PCDH15: variants seen among roughly 807,000 people sequenced by gnomAD.
PCDH15 encodes protocadherin-15.
A neutral mutation model predicts 178.5 loss-of-function variants in PCDH15; 129 were observed. The observed-to-expected ratio is 0.72, with a 90% confidence interval of 0.63 to 0.84. The LOEUF is 0.84. Ranked by LOEUF, PCDH15 falls within the 40% of genes least tolerant of loss-of-function variation. PCDH15 has a pLI of 0.00. For missense variants in PCDH15, 2,230 were observed against 2,099.9 expected (o/e 1.06, Z -1.21); for synonymous variants, 800 against 732.0 (o/e 1.09, Z -1.50).
chr10:53,969,390 C>G (rs2089421082), intron 21 of PCDH15, among the ~76,000 whole-genome samples: 1 of 152,180 alleles, frequency 6.6e-6, no homozygotes, highest in Non-Finnish European at 1.5e-5. Flanking sequence ...GATTAGTGTA[C>G]CTGAAAGTGA....
chr10:54,673,076 T>A (rs1291978680), intron 1 of PCDH15, among the ~76,000 whole-genome samples: 2 of 150,778 alleles, frequency 1.3e-5, no homozygotes, highest in African/African-American at 2.4e-5. Context: ...GCATGTCATT[T>A]AAAAAAAAAA....
At position 54,705,213 on chromosome 10, in the gene PCDH15, T is replaced by C. The variant is rs556564340; in HGVS notation, c.-28-40923A>G. ...TTGAAAAACTACTTATCAGCTACTA[T>C]AATTATTACCTTGGGTATGAAATAA... On this transcript the variant is annotated intron_variant, in intron 1 of 37. Coordinates refer to ENST00000644397, the MANE Select transcript of PCDH15 (RefSeq NM_001384140.1). Among the ~76,000 whole-genome samples, 8 of 152,190 alleles carry C rather than the reference T, an allele frequency of 5.3e-5. No individual in the cohort carries two copies. In the East Asian group the frequency reaches 1.2e-3, roughly 22 times the overall value.
chr10:55,416,472 A>G (rs1228789675), intron 2 of PCDH15, among the ~76,000 whole-genome samples: 1 of 151,838 alleles, frequency 6.6e-6, no homozygotes, highest in Non-Finnish European at 1.5e-5. Flanking sequence ...GGATCCTCCT[A>G]AAATAAAATT....
At chr10:54,548,586 G>A (rs1247956692) in intron 2 of PCDH15, among the ~76,000 whole-genome samples, 2 of 142,220 alleles carry the variant, frequency 1.4e-5, no homozygotes, top group East Asian at 4.0e-4. Flanking sequence ...ATATATTATT[G>A]TATATATTTA....
intron 3 of PCDH15, among the ~76,000 whole-genome samples, chr10:54,503,914 C>A (rs528310356): frequency 2.0e-5 from 3 of 152,104 alleles, no homozygotes; most frequent in Non-Finnish European, 4.4e-5. Flanking sequence ...AACTTGTTCC[C>A]CTGATGCCTG....
chr10:54,988,306 T>C (rs994821646), intron 2 of PCDH15, among the ~76,000 whole-genome samples: 9 of 152,176 alleles, frequency 5.9e-5, no homozygotes, highest in Non-Finnish European at 1.2e-4. Context: ...TCAGGTAGCA[T>C]GATGCCTCCA....
At chr10:54,221,589 T>C (rs1473873683) in intron 9 of PCDH15, among the ~76,000 whole-genome samples, 1 of 150,922 alleles carries the variant, frequency 6.6e-6, no homozygotes, top group Non-Finnish European at 1.5e-5. Flanking sequence ...ATCATTTATA[T>C]AGTATGTATT....
chr10:54,937,111 A>G (rs1266932556), intron 2 of PCDH15, among the ~76,000 whole-genome samples: 2 of 152,000 alleles, frequency 1.3e-5, no homozygotes, highest in East Asian at 1.9e-4. Flanking sequence ...ACCCCATTGA[A>G]ATCTCGCAAT....
intron 20 of PCDH15, among the ~76,000 whole-genome samples, chr10:54,016,044 A>G (rs1345989906): frequency 6.6e-6 from 1 of 152,192 alleles, no homozygotes; most frequent in Non-Finnish European, 1.5e-5. Flanking sequence ...AATATCCAGA[A>G]TCTATAAGGA....
chr10:55,176,854 C>G (rs1045025348), intron 1 of PCDH15, among the ~76,000 whole-genome samples: 1 of 152,096 alleles, frequency 6.6e-6, no homozygotes, highest in East Asian at 1.9e-4. Context: ...ACCAGACTAC[C>G]CAGCTAACTT....
At chr10:55,074,712 T>C (rs1841837747) in intron 2 of PCDH15, among the ~76,000 whole-genome samples, 4 of 152,206 alleles carry the variant, frequency 2.6e-5, no homozygotes, top group South Asian at 2.1e-4. Context: ...AGAAGCTCTT[T>C]AGTTTGATTA....
At chr10:55,032,215 C>A (rs1373063920) in intron 2 of PCDH15, among the ~76,000 whole-genome samples, 1 of 152,098 alleles carries the variant, frequency 6.6e-6, no homozygotes, top group Non-Finnish European at 1.5e-5. Context: ...TGAGGAATAT[C>A]TTATTGGAAT....
intron 15 of PCDH15, among the ~76,000 whole-genome samples, chr10:54,112,561 A>G (rs1214476460): frequency 1.3e-5 from 2 of 152,174 alleles, no homozygotes; most frequent in East Asian, 1.9e-4. Context: ...AGTCAGAGTT[A>G]TTGTAACCAA....
rs192742764 is a variant in PCDH15 at position 54,138,836 on chromosome 10, G to A, written c.1785-5829C>T. ...GCTATATCATGGCTATAATTTTGAG[G>A]TAAAATAGATTGGATCTTTATGTGT... is the stretch of plus-strand genomic sequence containing the variant. On this transcript the variant is annotated intron_variant, in intron 14 of 37. Coordinates refer to ENST00000644397, the MANE Select transcript of PCDH15 (RefSeq NM_001384140.1). Among the ~76,000 whole-genome samples the A allele has an allele frequency of 7.7e-3, 1,178 of 152,150 alleles. 14 individuals are homozygous for A. Among genetic ancestry groups the A allele is most frequent in the African/African-American group, 0.026 (1,097 of 41,532 alleles).
In PCDH15 at chr10:53,878,914, C is replaced by T. The variant is rs139316393; in HGVS notation, c.3502-12057G>A. ...CAAGTGATTCTCTAAGGCTTTGCTC[C>T]TCATTTGTAAAATGAGGAAAATAGG... is the stretch of plus-strand genomic sequence containing the variant. On this transcript the variant is annotated intron_variant, in intron 26 of 37. Coordinates refer to ENST00000644397, the MANE Select transcript of PCDH15 (RefSeq NM_001384140.1). Among the ~76,000 whole-genome samples, 97 of 152,218 alleles carry T rather than the reference C, an allele frequency of 6.4e-4. 1 individual carries two copies. Among genetic ancestry groups the T allele is most frequent in the South Asian group, 3.9e-3 (19 of 4,826 alleles).
chr10:54,383,627 TTTTGTG>T (rs1949534098), intron 3 of PCDH15, among the ~76,000 whole-genome samples: 1 of 104,764 alleles, frequency 9.5e-6, no homozygotes, highest in African/African-American at 4.5e-5. Context: ...GTATGTGTGT[TTTTGTG>T]TGTGTGTGTG....
chr10:54,733,454 A>G (rs1213366779), intron 1 of PCDH15, among the ~76,000 whole-genome samples: 1 of 151,474 alleles, frequency 6.6e-6, no homozygotes, highest in Non-Finnish European at 1.5e-5. Flanking sequence ...CAAAACACAA[A>G]AGAAATGAAA....
chr10:54,326,051 A>G (rs1489045999), intron 7 of PCDH15, among the ~76,000 whole-genome samples: 1 of 152,196 alleles, frequency 6.6e-6, no homozygotes, highest in Non-Finnish European at 1.5e-5. Flanking sequence ...AAAACAGTTA[A>G]TGATTAACAA....
chr10:54,430,845 A>G (rs1956883344), intron 3 of PCDH15, among the ~76,000 whole-genome samples: 1 of 152,140 alleles, frequency 6.6e-6, no homozygotes, highest in Non-Finnish European at 1.5e-5. Context: ...TGAAAAAATA[A>G]ACAAAATGGA....
Sources: allele counts gnomAD v4.1 joint callset (sites outside exome capture counted in the v4.1 genomes callset), GRCh38; gene constraint gnomAD v4.1.1; transcripts MANE v1.5; gene names NCBI Gene and HGNC (gene_info 2026-07-23, HGNC 2026-07-21).